The following ADGRV1 variants were observed in gnomAD, a reference collection of about 807,000 sequenced individuals.
ADGRV1 encodes the protein adhesion G protein-coupled receptor V1, also known as G-protein coupled receptor 98.
A neutral mutation model predicts 596.2 loss-of-function variants in ADGRV1; 359 were observed. The observed-to-expected ratio is 0.60, with a 90% CI of 0.55 to 0.66. The LOEUF (loss-of-function observed/expected upper bound fraction) is 0.66, where lower values mean the gene tolerates loss of function less well. Ranked by LOEUF, ADGRV1 falls within the 30% of genes least tolerant of loss-of-function variation. The probability of loss-of-function intolerance (pLI) is 0.00; values close to 1 mark genes in which losing one functional copy is unlikely to be tolerated. For synonymous variants in ADGRV1, 2,681 were observed against 2,679.2 expected (o/e 1.00, Z -0.02); for missense variants, 7,274 against 7,575.6 (o/e 0.96, Z 1.48).
intron 1 of ADGRV1, among the ~76,000 whole-genome samples, chr5:90,582,606 C>G (rs1310197457): frequency 6.6e-6 from 1 of 152,038 alleles, no homozygotes; most frequent in Non-Finnish European, 1.5e-5. Flanking sequence ...ACTCTGTCAC[C>G]CAGGCTGGAG....
In ADGRV1 at chr5:90,805,028, T is replaced by G. The variant is rs911916763; in HGVS notation, c.14662-256T>G. On this transcript the variant is annotated intron_variant, in intron 71 of 89. Transcript: ENST00000405460. ...TTTCATTTAACCATAATTATGCTTA[T>G]CTTTTTTTGGATGTTGTTCATTCAA... 49 of 289,696 alleles carry G rather than the reference T, an allele frequency of 1.7e-4. 1 individual carries two copies. The highest frequency in any genetic ancestry group is 6.3e-5 in the Non-Finnish European group (10 of 157,670). The allele number at this position is 289,696 out of a possible 1,614,324, so 17.9% of individuals were successfully genotyped here.
chr5:90,596,939 G>A (rs1760760974), intron 1 of ADGRV1, among the ~76,000 whole-genome samples: 1 of 152,206 alleles, frequency 6.6e-6, no homozygotes, highest in Admixed American at 6.5e-5. Flanking sequence ...AACAAAAAGA[G>A]TGGTGGGTGG....
intron 84 of ADGRV1, among the ~76,000 whole-genome samples, chr5:90,971,730 C>T (rs1372070514): frequency 1.3e-5 from 2 of 152,128 alleles, no homozygotes; most frequent in African/African-American, 2.4e-5. Flanking sequence ...ACAACTGGTA[C>T]CAGCCACTGC....
At chr5:90,942,332 C>G (rs1358948873) in intron 83 of ADGRV1, among the ~76,000 whole-genome samples, 1 of 152,156 alleles carries the variant, frequency 6.6e-6, no homozygotes, top group Non-Finnish European at 1.5e-5. Context: ...TCTGGAAAAA[C>G]AGTGGACTAG....
intron 1 of ADGRV1, among the ~76,000 whole-genome samples, chr5:90,581,294 G>A (rs11953762): frequency 0.089 from 13,549 of 152,118 alleles, 1,892 homozygotes; most frequent in African/African-American, 0.3. Flanking sequence ...GCTTTGTTCC[G>A]TTGCTGGTGA....
intron 77 of ADGRV1, among the ~76,000 whole-genome samples, chr5:90,836,438 A>G (rs762067615): frequency 2.0e-5 from 3 of 152,082 alleles, no homozygotes; most frequent in Non-Finnish European, 2.9e-5. Context: ...CCTAATCTCC[A>G]TATAATCATA....
chr5:91,029,285 T>C (rs1784290983), intron 85 of ADGRV1, among the ~76,000 whole-genome samples: 1 of 152,250 alleles, frequency 6.6e-6, no homozygotes, highest in Admixed American at 6.5e-5. Context: ...ATGTTTTAGA[T>C]GTGATTCCAA....
intron 78 of ADGRV1, among the ~76,000 whole-genome samples, chr5:90,842,175 T>G (rs1237494258): frequency 1.3e-5 from 2 of 152,218 alleles, no homozygotes; most frequent in Non-Finnish European, 2.9e-5. Flanking sequence ...AAGTTATGTA[T>G]GTTAACCAAG....
chr5:91,134,355 CT>C (rs1396047055), intron 87 of ADGRV1, among the ~76,000 whole-genome samples: 1 of 151,968 alleles, frequency 6.6e-6, no homozygotes, highest in African/African-American at 2.4e-5. Context: ...GCCTGGCTAA[CT>C]TTTTGTATGT....
At chr5:90,677,863 T>C (rs947424404) in intron 25 of ADGRV1, among the ~76,000 whole-genome samples, 1 of 152,208 alleles carries the variant, frequency 6.6e-6, no homozygotes, top group African/African-American at 2.4e-5. Context: ...TGGACTCATA[T>C]GTAGGGACTG....
In ADGRV1 at chr5:90,760,046, G is replaced by A. The variant is rs561822595; in HGVS notation, c.12120+458G>A. On this transcript the variant is annotated intron_variant, in intron 58 of 89. Coordinates refer to ENST00000405460, the MANE Select transcript of ADGRV1 (RefSeq NM_032119.4). The stretch of plus-strand genomic sequence containing the variant: ...TCCCAGCACTTTGGGAGGCCGAGGC[G>A]GGCGGATCACGAGGTCATGAGTTTG... 7.1e-4 allele frequency: 111 copies of A among 155,476 alleles called. 2 individuals are homozygous for A. Among genetic ancestry groups the A allele is most frequent in the Admixed American group, 5.8e-3 (91 of 15,678 alleles). 9.6% of individuals were successfully genotyped at this position (155,476 alleles called of 1,614,324 possible).
Position 90,605,931 on chromosome 5 carries a change from GA to G in ADGRV1, c.23-8895del, listed in dbSNP as rs35460647. Among the ~76,000 whole-genome samples the G allele has an allele frequency of 1.0e-4, 15 of 150,634 alleles. No homozygotes were observed. The East Asian group carries it at 1.8e-3, about 18-fold the overall frequency. On this transcript the variant is annotated intron_variant, in intron 1 of 89. Transcript: ENST00000405460. ...CTTTTCAGCCAAGTAAAAGGATGAT[GA>G]AAAAAAAAGAAAAAGAAAGTACTTG...
intron 85 of ADGRV1, among the ~76,000 whole-genome samples, chr5:91,050,898 G>C (rs1786261103): frequency 6.6e-6 from 1 of 152,160 alleles, no homozygotes; most frequent in African/African-American, 2.4e-5. Context: ...TCCAGACAAA[G>C]TGATATCCAC....
intron 1 of ADGRV1, among the ~76,000 whole-genome samples, chr5:90,590,601 A>G (rs1214954767): frequency 1.3e-5 from 2 of 152,178 alleles, no homozygotes; most frequent in South Asian, 2.1e-4. Flanking sequence ...AAGACCAAGA[A>G]TGTCACATTT....
chr5:90,806,004 C>T (rs769456936), intron 72 of ADGRV1, among the ~76,000 whole-genome samples: 2 of 152,174 alleles, frequency 1.3e-5, no homozygotes, highest in Non-Finnish European at 2.9e-5. Flanking sequence ...ATCTGAGGAT[C>T]TCCCTCCTTG....
intron 72 of ADGRV1, among the ~76,000 whole-genome samples, chr5:90,806,639 G>A (rs1761925999): frequency 6.6e-6 from 1 of 151,940 alleles, no homozygotes; most frequent in Non-Finnish European, 1.5e-5. Flanking sequence ...GTGTATATGC[G>A]GCTTTGTGCT....
chr5:90,725,044 G>C, intron 46 of ADGRV1, 42 bp from the exon 47 acceptor site: 1 of 1,534,786 alleles, frequency 6.5e-7, no homozygotes, highest in Non-Finnish European at 8.8e-7. Flanking sequence ...ATAAATTTTA[G>C]ATGTATAATG....
chr5:91,142,465 C>T (rs1046820893), intron 87 of ADGRV1, among the ~76,000 whole-genome samples: 1 of 152,132 alleles, frequency 6.6e-6, no homozygotes, highest in Non-Finnish European at 1.5e-5. Flanking sequence ...ACACTGATTT[C>T]GAGAACTCAT....
chr5:90,716,878 C>A, intron 43 of ADGRV1, 149 bp downstream of exon 43: 2 of 610,900 alleles, frequency 3.3e-6, no homozygotes, highest in South Asian at 2.5e-5. Context: ...TACTATGTGA[C>A]AAGTGCTGTA....
Sources: gnomAD v4.1 joint callset for allele counts (sites outside exome capture counted in the v4.1 genomes callset) on GRCh38, gnomAD v4.1.1 for gene constraint, MANE v1.5 for transcripts, NCBI Gene and HGNC (gene_info 2026-07-23, HGNC 2026-07-21) for gene names.